Variants in RAP1A observed in about 807,000 individuals in gnomAD.
RAP1A encodes the protein ras-related protein Rap-1A.
Under a neutral mutation model 26.4 loss-of-function variants are expected in RAP1A, and 6 were observed. That is an observed-to-expected ratio of 0.23 (90% CI 0.12 to 0.45). The LOEUF is 0.45. Among genes scored for constraint, RAP1A ranks in the 20% least tolerant of loss-of-function variants. The pLI, the probability that RAP1A is intolerant of heterozygous loss-of-function variation, is 0.99. For synonymous variants in RAP1A, 73 were observed against 79.4 expected, an observed-to-expected ratio of 0.92 and a Z score of 0.43; for missense variants, 121 against 217.2, an observed-to-expected ratio of 0.56 and a Z score of 2.78.
At chr1:111,559,771 C>T (rs1316526853) in intron 1 of RAP1A, among the ~76,000 whole-genome samples, 1 of 152,180 alleles carries the variant, frequency 6.6e-6, no homozygotes, top group African/African-American at 2.4e-5. Context: ...CTTCAATTGG[C>T]TAAAAGCCAT....
intron 1 of RAP1A, among the ~76,000 whole-genome samples, chr1:111,611,334 C>T (rs1445594221): frequency 6.6e-6 from 1 of 152,072 alleles, no homozygotes; most frequent in South Asian, 2.1e-4. Context: ...TGATATTGTA[C>T]AATGTTTGGT....
At chr1:111,683,349 A>T (rs1661365949) in intron 1 of RAP1A, among the ~76,000 whole-genome samples, 1 of 152,206 alleles carries the variant, frequency 6.6e-6, no homozygotes, top group Admixed American at 6.5e-5. Context: ...AGAGACACAA[A>T]AAAAACCTTC....
chr1:111,564,512 CTTT>C (rs577908974), intron 1 of RAP1A, among the ~76,000 whole-genome samples: 7,679 of 119,922 alleles, frequency 0.064, 390 homozygotes, highest in African/African-American at 0.16. Flanking sequence ...GACCCCAACT[CTTT>C]TTTTTTTTTT....
chr1:111,637,471 AATT>A (rs1659760447), intron 1 of RAP1A, among the ~76,000 whole-genome samples: 1 of 152,112 alleles, frequency 6.6e-6, no homozygotes, highest in Non-Finnish European at 1.5e-5. Flanking sequence ...AAAGAATAAG[AATT>A]ATTTTTTTGC....
intron 1 of RAP1A, among the ~76,000 whole-genome samples, chr1:111,550,640 CT>C (rs1443148887): frequency 6.6e-6 from 1 of 152,082 alleles, no homozygotes. Flanking sequence ...ATTTAGGAAC[CT>C]TCCTGATTTA....
intron 1 of RAP1A, among the ~76,000 whole-genome samples, chr1:111,556,940 T>C (rs540544418): frequency 6.6e-6 from 1 of 152,170 alleles, no homozygotes; most frequent in Admixed American, 6.5e-5. Flanking sequence ...CAAGGTTTTT[T>C]CAAAACTTGG....
At position 111,715,162 on chromosome 1, in the gene RAP1A, C is replaced by T. The variant is rs11102326; in HGVS notation, c.*2761C>T. 45,190 of 151,788 alleles carry T rather than the reference C, an allele frequency of 0.3. 7,308 individuals carry two copies. Among genetic ancestry groups the T allele is most frequent in the East Asian group, 0.47 (2,404 of 5,152 alleles). 9.4% of individuals were successfully genotyped at this position (151,788 alleles called of 1,614,324 possible). On this transcript the variant is annotated 3_prime_UTR_variant, in exon 8 of 8. Transcript: ENST00000369709. The stretch of plus-strand genomic sequence containing the variant: ...ATGGCTCAGTCTCCGCTCACTGCAA[C>T]CTCTGCCTCCCGGGTTCAAACAGTT...
At chr1:111,695,496 G>A (rs370237693) in intron 3 of RAP1A, 87 bp downstream of exon 3, 1 of 938,304 alleles carries the variant, frequency 1.1e-6, no homozygotes, top group Non-Finnish European at 1.5e-6. Context: ...TTTGAAAATA[G>A]TTTTGAGAAA....
At position 111,597,816 on chromosome 1, in the gene RAP1A, G is replaced by A. The variant is rs186489997; in HGVS notation, c.-28+55307G>A. 8.6e-3 allele frequency among the ~76,000 whole-genome samples: 1,309 copies of A among 152,240 alleles called. 18 individuals are homozygous for A. The highest frequency in any genetic ancestry group is 9.9e-3 in the Non-Finnish European group (676 of 68,012). On this transcript the variant is annotated intron_variant, in intron 1 of 7. Coordinates refer to the RAP1A transcript ENST00000356415. ...GGGGAGACATTCTAGGTCTCATGCC[G>A]CAGACTTGGAGGCTCATTTGAACCA... is the stretch of plus-strand genomic sequence containing the variant.
chr1:111,668,404 T>C (rs1453675950), intron 1 of RAP1A, among the ~76,000 whole-genome samples: 1 of 152,200 alleles, frequency 6.6e-6, no homozygotes, highest in Non-Finnish European at 1.5e-5. Flanking sequence ...AGATTAAAAA[T>C]ATAAGAATGA....
rs993640160 is a variant in RAP1A, at chr1:111,709,922, G to A, written c.*29+658G>A. Among the ~76,000 whole-genome samples, 7 of 151,998 alleles carry A rather than the reference G, an allele frequency of 4.6e-5. 1 individual carries two copies. Among genetic ancestry groups the A allele is most frequent in the Non-Finnish European group, 1.0e-4 (7 of 67,984 alleles). On this transcript the variant is annotated intron_variant, in intron 7 of 7. Coordinates refer to ENST00000369709, the MANE Select transcript of RAP1A (RefSeq NM_002884.4). ...TGTTCATTTAAGTTCTTTCTTTGGG[G>A]GAATTAGTATGAATAATTCTGTGCA...
chr1:111,645,964 GT>G (rs1660052096), intron 1 of RAP1A, among the ~76,000 whole-genome samples: 1 of 152,224 alleles, frequency 6.6e-6, no homozygotes, highest in Non-Finnish European at 1.5e-5. Flanking sequence ...AACCTGTGCT[GT>G]GGGGTTTTCC....
At chr1:111,559,199 G>T (rs1657633135) in intron 1 of RAP1A, among the ~76,000 whole-genome samples, 1 of 152,066 alleles carries the variant, frequency 6.6e-6, no homozygotes, top group African/African-American at 2.4e-5. Context: ...AGAGGGAAAT[G>T]CACAGTCTTA....
chr1:111,602,615 A>T (rs1278507959), intron 1 of RAP1A, among the ~76,000 whole-genome samples: 1 of 152,220 alleles, frequency 6.6e-6, no homozygotes, highest in Non-Finnish European at 1.5e-5. Context: ...GGAAACAAAC[A>T]TCTACTGCTC....
chr1:111,615,863 A>G (rs1410214768), upstream of RAP1A, among the ~76,000 whole-genome samples: 1 of 151,802 alleles, frequency 6.6e-6, no homozygotes, highest in Non-Finnish European at 1.5e-5. Flanking sequence ...TTACTTCCTC[A>G]GTTGCATTAG....
intron 1 of RAP1A, among the ~76,000 whole-genome samples, chr1:111,547,863 T>C (rs79929098): frequency 1.0e-3 from 155 of 152,340 alleles, no homozygotes; most frequent in African/African-American, 3.6e-3. Flanking sequence ...TGTCTAACTC[T>C]CTTAAAACAC....
At chr1:111,638,063 A>G (rs543111657) in intron 1 of RAP1A, among the ~76,000 whole-genome samples, 8 of 151,760 alleles carry the variant, frequency 5.3e-5, no homozygotes, top group Non-Finnish European at 8.8e-5. Flanking sequence ...AAATAACTAT[A>G]TATATTATTT....
At chr1:111,628,305 G>A (rs1659461399) in intron 1 of RAP1A, among the ~76,000 whole-genome samples, 3 of 152,208 alleles carry the variant, frequency 2.0e-5, no homozygotes, top group African/African-American at 4.8e-5. Context: ...GTGAGCAGTG[G>A]CAGCAGGAGG....
intron 1 of RAP1A, among the ~76,000 whole-genome samples, chr1:111,685,666 A>G (rs1351999726): frequency 6.6e-6 from 1 of 152,222 alleles, no homozygotes; most frequent in Non-Finnish European, 1.5e-5. Flanking sequence ...ATGCTTTTAC[A>G]CTGTTGGTAG....
Sources: allele counts gnomAD v4.1 joint callset (sites outside exome capture counted in the v4.1 genomes callset), GRCh38; gene constraint gnomAD v4.1.1; transcripts MANE v1.5; gene names NCBI Gene and HGNC (gene_info 2026-07-23, HGNC 2026-07-21).